The following GPR55 variants were observed in gnomAD, a reference collection of about 807,000 sequenced individuals.
The protein encoded by GPR55 is G-protein coupled receptor 55.
In GPR55, 6 loss-of-function variants were observed where a neutral mutation model predicts 7.9. The ratio of observed to expected loss-of-function variants is 0.76; its 90% CI spans 0.41 to 1.49. The LOEUF (loss-of-function observed/expected upper bound fraction) is 1.49, where lower values mean the gene tolerates loss of function less well. Among genes scored for constraint, GPR55 ranks in the 40% most tolerant of loss-of-function variants. The pLI is 0.01. For synonymous variants in GPR55, 183 were observed against 166.8 expected (o/e 1.10, Z -0.75); for missense variants, 376 against 406.0 (o/e 0.93, Z 0.63).
chr2:230,916,699 GT>G (rs541392008), intron 1 of GPR55, among the ~76,000 whole-genome samples: 182 of 148,362 alleles, frequency 1.2e-3, no homozygotes, highest in South Asian at 5.4e-3. Context: ...TTTCTATTCT[GT>G]TTTTTTTTTA....
intron 1 of GPR55, among the ~76,000 whole-genome samples, chr2:230,940,375 G>C (rs1691207139): frequency 6.6e-6 from 1 of 152,012 alleles, no homozygotes; most frequent in African/African-American, 2.4e-5. Flanking sequence ...CAGTGGGAGG[G>C]GTCCAGGCTC....
At chr2:230,933,964 C>G (rs2125062924) in intron 1 of GPR55, among the ~76,000 whole-genome samples, 1 of 152,346 alleles carries the variant, frequency 6.6e-6, no homozygotes, top group Non-Finnish European at 1.5e-5. Flanking sequence ...CACCCCAAAG[C>G]TTCCGGTGAC....
chr2:230,939,697 C>A (rs1220805624), intron 1 of GPR55, among the ~76,000 whole-genome samples: 1 of 152,190 alleles, frequency 6.6e-6, no homozygotes, highest in Admixed American at 6.5e-5. Flanking sequence ...GGGGGAGAGC[C>A]TGGCGTGCAG....
chr2:230,942,465 C>T (rs1294685100), intron 1 of GPR55, among the ~76,000 whole-genome samples: 3 of 152,200 alleles, frequency 2.0e-5, no homozygotes, highest in African/African-American at 7.2e-5. Flanking sequence ...GCCCCCAGGA[C>T]GTTTTGCAGG....
intron 1 of GPR55, among the ~76,000 whole-genome samples, chr2:230,913,367 A>T (rs1250970386): frequency 2.6e-5 from 4 of 152,160 alleles, no homozygotes; most frequent in Admixed American, 2.6e-4. Flanking sequence ...GCCCTCTCTG[A>T]TCTCTAATGA....
At chr2:230,952,744 G>T (rs1691423715) in intron 1 of GPR55, among the ~76,000 whole-genome samples, 1 of 152,106 alleles carries the variant, frequency 6.6e-6, no homozygotes, top group Non-Finnish European at 1.5e-5. Context: ...TGTCCCCAGG[G>T]AACATCCTCA....
intron 1 of GPR55, chr2:230,957,900 A>C (rs181602657): frequency 1.5e-5 from 8 of 524,114 alleles, no homozygotes; most frequent in Non-Finnish European, 3.1e-5. Flanking sequence ...TATTATGTGA[A>C]AGTACCCATC....
intron 1 of GPR55, among the ~76,000 whole-genome samples, chr2:230,916,185 G>A (rs1220257299): frequency 2.0e-5 from 3 of 151,976 alleles, no homozygotes; most frequent in African/African-American, 7.3e-5. Flanking sequence ...ACCAGCCTGG[G>A]CAACATAGTG....
intron 1 of GPR55, among the ~76,000 whole-genome samples, chr2:230,950,746 G>T (rs991554456): frequency 2.6e-5 from 4 of 152,208 alleles, no homozygotes; most frequent in African/African-American, 9.6e-5. Context: ...TAGGCCTCAG[G>T]AAACAGAATC....
intron 1 of GPR55, among the ~76,000 whole-genome samples, chr2:230,942,964 T>C (rs1691256480): frequency 6.6e-6 from 1 of 151,864 alleles, no homozygotes; most frequent in Non-Finnish European, 1.5e-5. Context: ...CAGAGTTCCA[T>C]CCTGCTTCTG....
At position 230,912,641 on chromosome 2, in the gene GPR55, T is replaced by C. The variant is rs567999870; in HGVS notation, c.-134-1545A>G. ...TTTTAGTAGAGATCAGTTTTCACCA[T>C]GTTGACCAGGCTGGTCTTGAACTCC... is the stretch of plus-strand genomic sequence containing the variant. On this transcript the variant is annotated intron_variant, in intron 1 of 1. Transcript: ENST00000650999. Among the ~76,000 whole-genome samples the C allele has an allele frequency of 3.3e-5, 5 of 152,320 alleles. No individual in the cohort carries two copies. The East Asian group carries it at 9.7e-4, about 29-fold the overall frequency.
chr2:230,939,081 G>A (rs971488297), intron 1 of GPR55, among the ~76,000 whole-genome samples: 2 of 152,216 alleles, frequency 1.3e-5, no homozygotes, highest in Admixed American at 6.5e-5. Flanking sequence ...AGCCAACAAT[G>A]AGCACTCGCC....
At position 230,910,018 on chromosome 2, in the gene GPR55, C is replaced by G. The variant is rs750679484; in HGVS notation, c.945G>C (p.Thr315=). ...SRVQLVLQDT[T]ISRG Reference sequence around the variant, plus strand: ...TGTCCTTCCGTTAGCCCCGGGAGATCGTGGTGTCCTGCAGGACCAGCTGGA... The same window carrying G: ...TGTCCTTCCGTTAGCCCCGGGAGATGGTGGTGTCCTGCAGGACCAGCTGGA... Residue 315 remains threonine, a synonymous_variant, in exon 2 of 2, where the codon ACG becomes ACC. Transcript: ENST00000650999. This position sits in a 1 kb window ranked among gnomAD's most constrained non-coding sequence, Gnocchi z 5.4. 11 of 1,612,846 alleles carry G rather than the reference C, an allele frequency of 6.8e-6. No homozygotes were observed. Among genetic ancestry groups the G allele is most frequent in the Non-Finnish European group, 9.3e-6 (11 of 1,179,314 alleles).
chr2:230,936,314 G>A (rs918725942), intron 1 of GPR55, among the ~76,000 whole-genome samples: 17 of 152,138 alleles, frequency 1.1e-4, no homozygotes, highest in Admixed American at 5.9e-4. Context: ...TCGTAGGATC[G>A]TAGGAGGAAC....
chr2:230,956,022 C>G (rs977469437), intron 1 of GPR55, among the ~76,000 whole-genome samples: 1 of 151,800 alleles, frequency 6.6e-6, no homozygotes, highest in African/African-American at 2.4e-5. Flanking sequence ...CCACCATGCC[C>G]AACTACACCA....
At chr2:230,930,313 A>T (rs767685202) in intron 1 of GPR55, among the ~76,000 whole-genome samples, 18 of 152,088 alleles carry the variant, frequency 1.2e-4, no homozygotes, top group Admixed American at 6.5e-5. Context: ...GCCCATCAGG[A>T]GCCTAATATT....
intron 1 of GPR55, among the ~76,000 whole-genome samples, chr2:230,952,631 G>A (rs540253598): frequency 1.1e-4 from 16 of 152,316 alleles, no homozygotes; most frequent in African/African-American, 2.6e-4. Flanking sequence ...TGTCATGGGC[G>A]TTTCTGAAGC....
chr2:230,933,436 G>T (rs1457054802), intron 1 of GPR55, among the ~76,000 whole-genome samples: 1 of 152,184 alleles, frequency 6.6e-6, no homozygotes, highest in Non-Finnish European at 1.5e-5. Flanking sequence ...ACACGGGGCA[G>T]CCCATGGTGT....
intron 1 of GPR55, among the ~76,000 whole-genome samples, chr2:230,936,384 A>T (rs528369166): frequency 2.6e-4 from 39 of 152,256 alleles, no homozygotes; most frequent in African/African-American, 9.1e-4. Context: ...CATGATAGTG[A>T]GTGAGTTCTC....
Sources: allele counts gnomAD v4.1 joint callset (sites outside exome capture counted in the v4.1 genomes callset), GRCh38; gene constraint gnomAD v4.1.1; non-coding constraint Gnocchi (gnomAD v3.1); transcripts MANE v1.5; gene names NCBI Gene and HGNC (gene_info 2026-07-23, HGNC 2026-07-21).